GPHN: variants seen among roughly 807,000 people sequenced by gnomAD.
GPHN encodes gephyrin.
In GPHN, 17 loss-of-function variants were observed where a neutral mutation model predicts 95.5. The observed-to-expected ratio is 0.18, with a 90% CI of 0.12 to 0.27. The LOEUF is 0.27. Ranked by LOEUF, GPHN falls within the 10% of genes least tolerant of loss-of-function variation. The pLI is 1.00. For synonymous variants in GPHN, 320 were observed against 322.5 expected (o/e 0.99, Z 0.08); for missense variants, 660 against 978.1 (o/e 0.67, Z 4.34).
intron 1 of GPHN, among the ~76,000 whole-genome samples, chr14:66,642,552 G>A (rs1296779388): frequency 7.8e-6 from 1 of 128,976 alleles, no homozygotes; most frequent in Admixed American, 7.9e-5. Context: ...CAGACATTTT[G>A]ATTTTTGTTT....
chr14:66,622,100 G>A (rs552793203), intron 1 of GPHN, among the ~76,000 whole-genome samples: 2 of 152,278 alleles, frequency 1.3e-5, no homozygotes, highest in African/African-American at 2.4e-5. Flanking sequence ...GGACATCCAG[G>A]TATTTACGTA....
rs2059971918 is a variant in GPHN, at chr14:66,555,464, A to G, written c.64+46873A>G. ...GTAGGTGCTTAATAAATATTTGTTG[A>G]ATGAGTTAATGAATGTGTCCTATGA... On this transcript the variant is annotated intron_variant, in intron 1 of 22. Coordinates refer to ENST00000478722, the MANE Select transcript of GPHN (RefSeq NM_020806.5). 2.6e-5 allele frequency among the ~76,000 whole-genome samples: 4 copies of G among 152,220 alleles called. No individual in the cohort carries two copies. The South Asian group carries it at 8.3e-4, about 32-fold the overall frequency.
intron 5 of GPHN, among the ~76,000 whole-genome samples, chr14:66,886,384 T>TC (rs1250131882): frequency 6.6e-6 from 1 of 152,058 alleles, no homozygotes. Context: ...AAAATACTTT[T>TC]CCCCCATGAG....
the GPHN span, chr14:67,650,729 C>A: frequency 1.7e-5 from 28 of 1,613,974 alleles, no homozygotes; most frequent in East Asian, 6.0e-4. Flanking sequence ...GCTATCAGCA[C>A]TGGATCTTGT....
chr14:67,622,438 G>T, the GPHN span, among the ~76,000 whole-genome samples: 1 of 152,128 alleles, frequency 6.6e-6, no homozygotes, highest in African/African-American at 2.4e-5. Context: ...ATGGTGACAT[G>T]GATTCAATAT....
At chr14:67,321,734 T>G in the GPHN span, among the ~76,000 whole-genome samples, 1 of 152,232 alleles carries the variant, frequency 6.6e-6, no homozygotes, top group African/African-American at 2.4e-5. Context: ...TTTCCACTTG[T>G]GCTGTCATGT....
the GPHN span, chr14:67,204,468 T>C: frequency 1.4e-6 from 2 of 1,465,716 alleles, no homozygotes; most frequent in African/African-American, 1.4e-5. Context: ...TATATATATA[T>C]ATAAGAAAGG....
At chr14:66,838,394 G>T (rs2061944685) in intron 4 of GPHN, among the ~76,000 whole-genome samples, 1 of 151,988 alleles carries the variant, frequency 6.6e-6, no homozygotes. Flanking sequence ...AATCAAACAA[G>T]ATAGAACTTA....
chr14:67,035,689 T>A (rs2074388148), intron 10 of GPHN, among the ~76,000 whole-genome samples: 1 of 151,840 alleles, frequency 6.6e-6, no homozygotes, highest in Non-Finnish European at 1.5e-5. Flanking sequence ...GACTGAATTA[T>A]GGAGAAATAG....
At chr14:67,352,352 T>C in the GPHN span, among the ~76,000 whole-genome samples, 3 of 149,924 alleles carry the variant, frequency 2.0e-5, no homozygotes, top group Admixed American at 1.3e-4. Context: ...GCACCTGTAG[T>C]CACAGCTACT....
rs934487649 is a variant in GPHN at position 66,721,444 on chromosome 14, A to G, written c.143+40259A>G. On this transcript the variant is annotated intron_variant, in intron 2 of 22. Coordinates refer to ENST00000478722, the MANE Select transcript of GPHN (RefSeq NM_020806.5). ...CTATCAACTTTATATAACTCCTGAA[A>G]CACTTATATTAATAACATATATCTA... Among the ~76,000 whole-genome samples the G allele has an allele frequency of 3.9e-5, 6 of 152,320 alleles. No individual in the cohort carries two copies. In the South Asian group the frequency reaches 6.2e-4, roughly 16 times the overall value.
the GPHN span, among the ~76,000 whole-genome samples, chr14:67,731,207 C>CTTTTTTTTTTTTTTTTTTTTT: frequency 1.1e-5 from 1 of 90,622 alleles, no homozygotes; most frequent in African/African-American, 4.9e-5. Flanking sequence ...TTCTTTCTTT[C>CTTTTTTTTTTTTTTTTTTTTT]TTTTTTTTTT....
chr14:66,954,981 A>T (rs1481114765), intron 8 of GPHN, among the ~76,000 whole-genome samples: 2 of 152,134 alleles, frequency 1.3e-5, no homozygotes, highest in Non-Finnish European at 2.9e-5. Context: ...GTCTTGATGT[A>T]TAATTGTTTT....
Position 67,104,124 on chromosome 14 carries a change from T to A in GPHN, c.1293+3213T>A, listed in dbSNP as rs2077900333. ...TGTTTTCCTAAGTCTGTTGAGATGA[T>A]CATATGGTTTTTGTCCTTCATTCTG... is the stretch of plus-strand genomic sequence containing the variant. On this transcript the variant is annotated intron_variant, in intron 13 of 22. Coordinates refer to ENST00000478722, the MANE Select transcript of GPHN (RefSeq NM_020806.5). Among the ~76,000 whole-genome samples the A allele has an allele frequency of 2.0e-5, 3 of 152,192 alleles. No homozygotes were observed. The South Asian group carries it at 6.2e-4, about 32-fold the overall frequency.
chr14:66,569,117 T>A (rs111983398), intron 1 of GPHN, among the ~76,000 whole-genome samples: 1 of 152,320 alleles, frequency 6.6e-6, no homozygotes, highest in South Asian at 2.1e-4. Flanking sequence ...GTTTAAATAC[T>A]TCTGTTTATA....
At chr14:67,296,376 A>G in the GPHN span, among the ~76,000 whole-genome samples, 1 of 151,986 alleles carries the variant, frequency 6.6e-6, no homozygotes, top group Non-Finnish European at 1.5e-5. Flanking sequence ...CAAGGTGGGC[A>G]GATCACGAGG....
At chr14:66,693,569 T>G (rs2067922681) in intron 2 of GPHN, among the ~76,000 whole-genome samples, 1 of 152,112 alleles carries the variant, frequency 6.6e-6, no homozygotes, top group Non-Finnish European at 1.5e-5. Flanking sequence ...ACAAGAGAAA[T>G]TTATATCCCA....
chr14:67,579,297 A>T, the GPHN span: 4 of 1,539,116 alleles, frequency 2.6e-6, no homozygotes, highest in Non-Finnish European at 3.5e-6. Context: ...GCACTTTACC[A>T]ACGGGACTTA....
intron 8 of GPHN, among the ~76,000 whole-genome samples, chr14:66,956,570 C>T (rs370369156): frequency 8.0e-4 from 122 of 151,666 alleles, no homozygotes; most frequent in African/African-American, 2.6e-3. Flanking sequence ...TTTTAATGAT[C>T]GCCATTCTAA....
Sources: allele counts gnomAD v4.1 joint callset (sites outside exome capture counted in the v4.1 genomes callset), GRCh38; gene constraint gnomAD v4.1.1; transcripts MANE v1.5; gene names NCBI Gene and HGNC (gene_info 2026-07-23, HGNC 2026-07-21).